The following PSD3 variants were observed in gnomAD, a reference collection of about 807,000 sequenced individuals.
PSD3 encodes pleckstrin and Sec7 domain containing 3, also known as PH and SEC7 domain-containing protein 3.
PSD3 carries 49 observed loss-of-function variants against 105.5 expected under a neutral mutation model. That is an observed-to-expected ratio of 0.46 (90% confidence interval 0.37 to 0.59). The LOEUF (loss-of-function observed/expected upper bound fraction) is 0.59, where lower values mean the gene tolerates loss of function less well. PSD3 is among the 20% of genes least tolerant of loss of function. PSD3 has a pLI of 0.00. For missense variants in PSD3, 1,561 were observed against 1,263.8 expected (o/e 1.24, Z -3.57); for synonymous variants, 557 against 457.8 (o/e 1.22, Z -2.77).
chr8:18,837,531 T>C (rs555101686), intron 4 of PSD3, among the ~76,000 whole-genome samples: 2 of 152,344 alleles, frequency 1.3e-5, no homozygotes, highest in Admixed American at 6.5e-5. Context: ...GTATTCCTCA[T>C]AGGTAACTGG....
At chr8:18,970,838 C>G (rs1437332405) in intron 1 of PSD3, among the ~76,000 whole-genome samples, 1 of 151,882 alleles carries the variant, frequency 6.6e-6, no homozygotes, top group East Asian at 1.9e-4. Context: ...ACCTGTAGTA[C>G]CAACTACTTG....
chr8:18,893,587 G>A (rs1363326618), intron 2 of PSD3, among the ~76,000 whole-genome samples: 1 of 152,090 alleles, frequency 6.6e-6, no homozygotes, highest in Non-Finnish European at 1.5e-5. Flanking sequence ...CCACCTCTCT[G>A]TAGGGATGAA....
At chr8:19,015,957 C>G (rs1299578693), upstream of PSD3, among the ~76,000 whole-genome samples, 1 of 152,150 alleles carries the variant, frequency 6.6e-6, no homozygotes, top group Non-Finnish European at 1.5e-5. Context: ...TTCATTCGTC[C>G]AGTTATAAAT....
At chr8:18,706,760 T>G (rs1489453003) in intron 9 of PSD3, among the ~76,000 whole-genome samples, 1 of 152,210 alleles carries the variant, frequency 6.6e-6, no homozygotes, top group Admixed American at 6.5e-5. Context: ...CTTCATGACA[T>G]TAAACAGTCA....
chr8:18,599,154 A>G (rs1042599433), intron 12 of PSD3, among the ~76,000 whole-genome samples: 3 of 152,202 alleles, frequency 2.0e-5, no homozygotes, highest in African/African-American at 7.2e-5. Flanking sequence ...CCTGATTTCA[A>G]AACATATTAC....
At chr8:18,749,431 G>A (rs747759566) in intron 9 of PSD3, among the ~76,000 whole-genome samples, 11 of 152,340 alleles carry the variant, frequency 7.2e-5, no homozygotes, top group South Asian at 4.1e-4. Context: ...TATTTTATAC[G>A]TAATTCCGCA....
chr8:18,684,060 T>C (rs1320665360), intron 9 of PSD3: 2 of 622,716 alleles, frequency 3.2e-6, no homozygotes, highest in Non-Finnish European at 5.8e-6. Flanking sequence ...GTGATCCGCG[T>C]TAGCTTAAGA....
At chr8:18,831,599 A>G (rs1336670579) in intron 4 of PSD3, among the ~76,000 whole-genome samples, 3 of 152,116 alleles carry the variant, frequency 2.0e-5, no homozygotes, top group Non-Finnish European at 4.4e-5. Context: ...GCGGGCGCCT[A>G]TAGTCCCAGC....
chr8:18,970,979 AAG>A lies in PSD3; in HGVS notation c.22-34839_22-34838del, dbSNP rs1563475423. Reference sequence around the variant, plus strand: ...AAGTAAAAGAGCGAGACTCTGTCTCAAGAAAAAAAAAAAAAGACAAAAAATTC... The same window carrying A: ...AAGTAAAAGAGCGAGACTCTGTCTCAAAAAAAAAAAAAAGACAAAAAATTC... On this transcript the variant is annotated intron_variant, in intron 1 of 15. Coordinates refer to ENST00000327040, the MANE Select transcript of PSD3 (RefSeq NM_015310.4). Among the ~76,000 whole-genome samples, 18 of 143,690 alleles carry A rather than the reference AAG, an allele frequency of 1.3e-4. 1 individual carries two copies. Among genetic ancestry groups the A allele is most frequent in the Admixed American group, 2.8e-4 (4 of 14,524 alleles). 94.3% of individuals were successfully genotyped at this position (143,690 alleles called of 152,430 possible).
At chr8:18,668,275 CA>C (rs1799596293) in intron 9 of PSD3, among the ~76,000 whole-genome samples, 1 of 152,232 alleles carries the variant, frequency 6.6e-6, no homozygotes, top group Non-Finnish European at 1.5e-5. Context: ...AAGGAGGAAA[CA>C]GTAAGAATCA....
At chr8:18,859,793 C>T (rs1397983004) in intron 4 of PSD3, among the ~76,000 whole-genome samples, 3 of 152,236 alleles carry the variant, frequency 2.0e-5, no homozygotes, top group South Asian at 2.1e-4. Flanking sequence ...TAGAGCCTTG[C>T]TCTGGCTTCG....
At chr8:18,561,452 G>A (rs141447493) in intron 14 of PSD3, among the ~76,000 whole-genome samples, 103 of 152,220 alleles carry the variant, frequency 6.8e-4, no homozygotes, top group South Asian at 1.5e-3. Flanking sequence ...GAGAATGGTG[G>A]TTACCAGAGG....
intron 4 of PSD3, among the ~76,000 whole-genome samples, chr8:18,859,753 T>C (rs1186123615): frequency 6.6e-6 from 1 of 152,240 alleles, no homozygotes; most frequent in Non-Finnish European, 1.5e-5. Flanking sequence ...CTCCCTCACC[T>C]GTCTCAGCTT....
chr8:18,546,115 C>T (rs888381334), intron 15 of PSD3, among the ~76,000 whole-genome samples: 1 of 152,154 alleles, frequency 6.6e-6, no homozygotes, highest in Non-Finnish European at 1.5e-5. Flanking sequence ...ATTCTCCTGC[C>T]TCAGCAAGTA....
At chr8:18,813,360 C>T (rs765297512) in intron 4 of PSD3, among the ~76,000 whole-genome samples, 1 of 152,128 alleles carries the variant, frequency 6.6e-6, no homozygotes, top group Non-Finnish European at 1.5e-5. Flanking sequence ...ACAGGTTAAC[C>T]AGGCAGAGCT....
At chr8:19,023,970 CA>C (rs1213478826) in intron 1 of PSD3, among the ~76,000 whole-genome samples, 1 of 152,106 alleles carries the variant, frequency 6.6e-6, no homozygotes, top group Non-Finnish European at 1.5e-5. Flanking sequence ...AAACAAAAAC[CA>C]AACCTTTTCC....
At chr8:18,643,046 C>T (rs1242304188) in intron 10 of PSD3, among the ~76,000 whole-genome samples, 1 of 152,150 alleles carries the variant, frequency 6.6e-6, no homozygotes, top group East Asian at 1.9e-4. Context: ...TTTTGTGTTG[C>T]TAAAACAGAA....
intron 2 of PSD3, among the ~76,000 whole-genome samples, chr8:18,878,044 T>C (rs1302722337): frequency 6.6e-6 from 1 of 152,198 alleles, no homozygotes; most frequent in Admixed American, 6.5e-5. Context: ...AATGAATCTA[T>C]ACAGTACTGG....
chr8:18,662,781 C>T (rs1034698832), intron 9 of PSD3, among the ~76,000 whole-genome samples: 1 of 152,238 alleles, frequency 6.6e-6, no homozygotes, highest in East Asian at 1.9e-4. Flanking sequence ...GTGTTCCTCA[C>T]TAAATATTTT....
Sources: allele counts gnomAD v4.1 joint callset (sites outside exome capture counted in the v4.1 genomes callset), GRCh38; gene constraint gnomAD v4.1.1; transcripts MANE v1.5; gene names NCBI Gene and HGNC (gene_info 2026-07-23, HGNC 2026-07-21).